COL24A1: variants seen among roughly 807,000 people sequenced by gnomAD.
The protein encoded by COL24A1 is collagen type XXIV alpha 1 chain.
A neutral mutation model predicts 253.9 loss-of-function variants in COL24A1; 224 were observed. The ratio of observed to expected loss-of-function variants is 0.88; its 90% CI spans 0.79 to 0.99. The LOEUF is 0.99. Among genes scored for constraint, COL24A1 ranks in the 50% least tolerant of loss-of-function variants. COL24A1 has a pLI of 0.00. For synonymous variants in COL24A1, 685 were observed against 673.7 expected (o/e 1.02, Z -0.26); for missense variants, 2,131 against 2,068.5 (o/e 1.03, Z -0.59).
intron 47 of COL24A1, among the ~76,000 whole-genome samples, chr1:85,787,448 T>C (rs1369155160): frequency 6.6e-6 from 1 of 152,176 alleles, no homozygotes; most frequent in Non-Finnish European, 1.5e-5. Context: ...CTCCCACTTA[T>C]AAGACCATGA....
chr1:85,907,893 A>G (rs1395021807), intron 27 of COL24A1, among the ~76,000 whole-genome samples: 1 of 151,762 alleles, frequency 6.6e-6, no homozygotes, highest in Non-Finnish European at 1.5e-5. Flanking sequence ...AAATTTATTT[A>G]TTATTTTATG....
intron 37 of COL24A1, among the ~76,000 whole-genome samples, chr1:85,864,620 A>G (rs911242165): frequency 2.6e-5 from 4 of 152,158 alleles, no homozygotes; most frequent in Admixed American, 1.3e-4. Flanking sequence ...TTTTCTAACT[A>G]TTGATAATCT....
intron 32 of COL24A1, among the ~76,000 whole-genome samples, chr1:85,879,414 T>C (rs1681571375): frequency 1.3e-5 from 2 of 152,334 alleles, no homozygotes; most frequent in African/African-American, 4.8e-5. Flanking sequence ...TTTGTGACTA[T>C]ATGTTGTGTA....
intron 47 of COL24A1, among the ~76,000 whole-genome samples, chr1:85,812,398 A>C (rs772805496): frequency 6.6e-6 from 1 of 152,250 alleles, no homozygotes; most frequent in Non-Finnish European, 1.5e-5. Context: ...ATTGATTGTC[A>C]ACATCAGCCA....
At chr1:85,919,513 T>C (rs1686236281) in intron 24 of COL24A1, among the ~76,000 whole-genome samples, 2 of 152,238 alleles carry the variant, frequency 1.3e-5, no homozygotes, top group South Asian at 4.1e-4. Context: ...ACCCTGTCTC[T>C]ACAAAAAAGA....
chr1:86,089,275 T>A, intron 6 of COL24A1, 48 bp from the exon 7 acceptor site: 4 of 1,376,092 alleles, frequency 2.9e-6, no homozygotes, highest in Non-Finnish European at 3.0e-6. Context: ...GAACTGAAAA[T>A]TAGAATTCTC....
At chr1:86,132,285 A>C (rs1450340882) in intron 2 of COL24A1, among the ~76,000 whole-genome samples, 6 of 152,054 alleles carry the variant, frequency 3.9e-5, no homozygotes, top group African/African-American at 1.4e-4. Context: ...AGATGAGTAG[A>C]TTGCAAAAAT....
intron 28 of COL24A1, among the ~76,000 whole-genome samples, chr1:85,901,449 G>A (rs1411339677): frequency 6.6e-6 from 1 of 152,048 alleles, no homozygotes; most frequent in African/African-American, 2.4e-5. Flanking sequence ...ATATGCTGTT[G>A]GTGAGAATGT....
chr1:86,070,247 G>C (rs550195016), intron 7 of COL24A1, among the ~76,000 whole-genome samples: 1 of 152,344 alleles, frequency 6.6e-6, no homozygotes, highest in South Asian at 2.1e-4. Flanking sequence ...AAGACTTAGT[G>C]AGCTTGAAGA....
intron 5 of COL24A1, among the ~76,000 whole-genome samples, chr1:86,110,690 G>C (rs1705472983): frequency 1.3e-5 from 2 of 152,138 alleles, no homozygotes; most frequent in South Asian, 4.1e-4. Context: ...ACCCAGGCCA[G>C]CAGCTACAGA....
chr1:85,747,494 A>G (rs887428142), intron 55 of COL24A1, among the ~76,000 whole-genome samples: 10 of 151,908 alleles, frequency 6.6e-5, no homozygotes, highest in African/African-American at 1.9e-4. Context: ...ATTTCAACAA[A>G]CCCATTATAT....
At chr1:86,140,722 A>T (rs1184849980) in intron 2 of COL24A1, among the ~76,000 whole-genome samples, 1 of 152,232 alleles carries the variant, frequency 6.6e-6, no homozygotes, top group African/African-American at 2.4e-5. Context: ...AGCTATGCCA[A>T]CATCTCACTG....
At chr1:86,090,126 G>C (rs1703389597) in intron 6 of COL24A1, among the ~76,000 whole-genome samples, 1 of 152,116 alleles carries the variant, frequency 6.6e-6, no homozygotes, top group African/African-American at 2.4e-5. Flanking sequence ...TGCTTGGCTC[G>C]AACAGACTAG....
At chr1:85,947,089 C>T (rs907702770) in intron 24 of COL24A1, among the ~76,000 whole-genome samples, 1 of 152,178 alleles carries the variant, frequency 6.6e-6, no homozygotes, top group Admixed American at 6.5e-5. Flanking sequence ...TCCCAATTTT[C>T]TTATGGGTTA....
chr1:85,943,199 C>T (rs995735195), intron 24 of COL24A1, among the ~76,000 whole-genome samples: 9 of 152,176 alleles, frequency 5.9e-5, no homozygotes, highest in African/African-American at 1.7e-4. Context: ...CACCAGTACC[C>T]GCTATGTCCT....
chr1:86,018,670 G>A (rs915921997), intron 18 of COL24A1, among the ~76,000 whole-genome samples: 1 of 152,138 alleles, frequency 6.6e-6, no homozygotes, highest in East Asian at 1.9e-4. Flanking sequence ...AATTTTGATT[G>A]CAAATTTCCT....
chr1:85,741,070 G>C (rs1270628163), intron 57 of COL24A1, among the ~76,000 whole-genome samples: 3 of 147,316 alleles, frequency 2.0e-5, no homozygotes, highest in Non-Finnish European at 3.0e-5. Flanking sequence ...AGTGAGCCGA[G>C]ATCGAGCCAC....
chr1:85,821,178 T>C (rs1485939519), intron 45 of COL24A1, among the ~76,000 whole-genome samples: 1 of 152,228 alleles, frequency 6.6e-6, no homozygotes, highest in Non-Finnish European at 1.5e-5. Flanking sequence ...ATTACAAAAG[T>C]CTTTTAAAAA....
intron 3 of COL24A1, among the ~76,000 whole-genome samples, chr1:86,119,417 C>A (rs868605323): frequency 1.8e-4 from 27 of 152,256 alleles, no homozygotes; most frequent in Middle Eastern, 3.4e-3. Flanking sequence ...AAAAACCCAA[C>A]TTCAAAGAGA....
Sources: gnomAD v4.1 joint callset for allele counts (sites outside exome capture counted in the v4.1 genomes callset) on GRCh38, gnomAD v4.1.1 for gene constraint, MANE v1.5 for transcripts, NCBI Gene and HGNC (gene_info 2026-07-23, HGNC 2026-07-21) for gene names.